Variants in GNAL observed in about 807,000 individuals in gnomAD.
GNAL encodes guanine nucleotide-binding protein G(olf) subunit alpha.
A neutral mutation model predicts 55.1 loss-of-function variants in GNAL; 18 were observed. That is an observed-to-expected ratio of 0.33 (90% CI 0.23 to 0.48). The LOEUF (loss-of-function observed/expected upper bound fraction) is 0.48. Ranked by LOEUF, GNAL falls within the 20% of genes least tolerant of loss-of-function variation. The pLI, the probability that GNAL is intolerant of heterozygous loss-of-function variation, is 0.99. For synonymous variants in GNAL, 253 were observed against 237.0 expected, an observed-to-expected ratio of 1.07 and a Z score of -0.62; for missense variants, 412 against 614.1, an observed-to-expected ratio of 0.67 and a Z score of 3.48.
Position 11,825,958 on chromosome 18 carries a change from G to T in GNAL, c.722+943G>T, listed in dbSNP as rs541859412. On this transcript the variant is annotated intron_variant, in intron 5 of 11. Transcript: ENST00000334049. ...GACTAGTTGTTTTATGTAAAGCTGT[G>T]GATAGCAAGAAATGAAAAATTTTAC... Among the ~76,000 whole-genome samples the T allele has an allele frequency of 1.3e-4, 20 of 152,172 alleles. No homozygotes were observed. The South Asian group carries it at 3.5e-3, about 27-fold the overall frequency.
chr18:11,708,991 G>A (rs758378797), intron 1 of GNAL, among the ~76,000 whole-genome samples: 5 of 152,168 alleles, frequency 3.3e-5, no homozygotes, highest in Admixed American at 3.3e-4. Flanking sequence ...TGTAGTGTAA[G>A]ATAAAGTTCC....
chr18:11,750,822 G>T (rs1332141357), intron 1 of GNAL, among the ~76,000 whole-genome samples: 3 of 152,254 alleles, frequency 2.0e-5, no homozygotes, highest in East Asian at 3.9e-4. Flanking sequence ...GATGAAAGGT[G>T]TTGTGTGGTT....
chr18:11,752,650 T>TGGGCGGGCAG lies in GNAL; in HGVS notation c.377-200_377-191dup. 7.1e-7 allele frequency: 1 copy of TGGGCGGGCAG among 1,414,034 alleles called. No homozygotes were observed. The highest frequency in any genetic ancestry group is 1.5e-5 in the African/African-American group (1 of 65,686). 87.6% of individuals were successfully genotyped at this position (1,414,034 alleles called of 1,614,324 possible). On this transcript the variant is annotated intron_variant, in intron 1 of 11. Transcript: ENST00000334049. This position sits in a 1 kb window ranked among gnomAD's most constrained non-coding sequence, Gnocchi z 4.5. ...CAGCCAGGAGCGGCGAGCGCCAGGC[T>TGGGCGGGCAG]GGGCGGGCAGGGCCGGGCGAGGGTC...
intron 5 of GNAL, among the ~76,000 whole-genome samples, chr18:11,855,393 T>C (rs998923605): frequency 6.6e-6 from 1 of 152,254 alleles, no homozygotes; most frequent in Non-Finnish European, 1.5e-5. Flanking sequence ...ATTTAACTAC[T>C]AGTTATATTT....
intron 5 of GNAL, among the ~76,000 whole-genome samples, chr18:11,861,050 G>A (rs2036121344): frequency 1.3e-5 from 2 of 152,168 alleles, no homozygotes; most frequent in South Asian, 2.1e-4. Context: ...TGGGGAGATT[G>A]GGAGGCAACA....
chr18:11,859,894 C>T (rs1019911934), intron 5 of GNAL, among the ~76,000 whole-genome samples: 14 of 152,016 alleles, frequency 9.2e-5, no homozygotes, highest in African/African-American at 2.9e-4. Flanking sequence ...TACAGGCATG[C>T]GTGCCACCAC....
chr18:11,788,594 G>A (rs560218065), intron 4 of GNAL, among the ~76,000 whole-genome samples: 146 of 152,014 alleles, frequency 9.6e-4, no homozygotes, highest in African/African-American at 3.5e-3. Context: ...AGTGTTGGCC[G>A]GGCATGGTGG....
intron 5 of GNAL, among the ~76,000 whole-genome samples, chr18:11,858,703 T>C (rs192015740): frequency 6.6e-6 from 1 of 151,860 alleles, no homozygotes. Context: ...GGGGTGAATA[T>C]TCACATTTTA....
intron 7 of GNAL, among the ~76,000 whole-genome samples, chr18:11,864,931 T>C (rs1253940452): frequency 2.6e-5 from 4 of 152,162 alleles, no homozygotes; most frequent in Admixed American, 6.5e-5. Flanking sequence ...AATGAGCAGT[T>C]TATGTGTGTC....
At chr18:11,794,632 GA>G (rs1387170536) in intron 4 of GNAL, among the ~76,000 whole-genome samples, 1 of 152,052 alleles carries the variant, frequency 6.6e-6, no homozygotes, top group Non-Finnish European at 1.5e-5. Flanking sequence ...TTGGACTGAT[GA>G]AAATGCCTTT....
intron 1 of GNAL, among the ~76,000 whole-genome samples, chr18:11,715,460 CAAAAAAAAAAA>C (rs34339537): frequency 1.5e-5 from 1 of 67,742 alleles, no homozygotes; most frequent in Non-Finnish European, 3.5e-5. Flanking sequence ...GACTCCATCT[CAAAAAAAAAAA>C]AAAAAAAGAA....
At chr18:11,712,563 A>G (rs1211180512) in intron 1 of GNAL, among the ~76,000 whole-genome samples, 1 of 152,216 alleles carries the variant, frequency 6.6e-6, no homozygotes, top group Non-Finnish European at 1.5e-5. Flanking sequence ...CAAAAATAAA[A>G]TTGTATTATT....
At chr18:11,852,171 G>T in intron 5 of GNAL, 1 of 1,484,300 alleles carries the variant, frequency 6.7e-7, no homozygotes, top group Admixed American at 2.4e-5. Context: ...CTCTCTGTGT[G>T]TTAGAGAGAT....
chr18:11,876,928 G>A (rs368624298), intron 11 of GNAL, among the ~76,000 whole-genome samples: 1 of 152,244 alleles, frequency 6.6e-6, no homozygotes, highest in South Asian at 2.1e-4. Flanking sequence ...AGCGTTCCAG[G>A]GAATGGCACT....
chr18:11,825,687 C>T (rs1219924031), intron 5 of GNAL, among the ~76,000 whole-genome samples: 10 of 125,254 alleles, frequency 8.0e-5, no homozygotes, highest in Non-Finnish European at 1.3e-4. Context: ...GCTGAGATTG[C>T]GCCCTTGCAC....
intron 4 of GNAL, among the ~76,000 whole-genome samples, chr18:11,761,748 C>A (rs752828790): frequency 2.6e-5 from 4 of 152,204 alleles, no homozygotes; most frequent in Non-Finnish European, 5.9e-5. Context: ...ACCTTTGCTT[C>A]GTGCTGTCTA....
intron 4 of GNAL, among the ~76,000 whole-genome samples, chr18:11,787,218 A>G (rs1221262466): frequency 6.6e-6 from 1 of 152,198 alleles, no homozygotes; most frequent in Non-Finnish European, 1.5e-5. Flanking sequence ...CCCCAGACAA[A>G]TATAAAGAAA....
At chr18:11,757,272 G>A (rs1026078933) in intron 4 of GNAL, among the ~76,000 whole-genome samples, 4 of 152,218 alleles carry the variant, frequency 2.6e-5, no homozygotes, top group African/African-American at 9.6e-5. Context: ...AGGTCAGAGA[G>A]ACTCAGAGGC....
chr18:11,744,227 T>G (rs1425413465), intron 1 of GNAL, among the ~76,000 whole-genome samples: 2 of 152,210 alleles, frequency 1.3e-5, no homozygotes, highest in African/African-American at 2.4e-5. Flanking sequence ...AAGAAGAATG[T>G]GTTATTCTCC....
Sources: gnomAD v4.1 joint callset for allele counts (sites outside exome capture counted in the v4.1 genomes callset) on GRCh38, gnomAD v4.1.1 for gene constraint, Gnocchi (gnomAD v3.1) non-coding constraint, MANE v1.5 for transcripts, NCBI Gene and HGNC (gene_info 2026-07-23, HGNC 2026-07-21) for gene names.